The following B4GALNT3 variants were observed in gnomAD, a reference collection of about 807,000 sequenced individuals.
B4GALNT3 encodes beta-1,4-N-acetylgalactosaminyltransferase 3.
Under a neutral mutation model 120.2 loss-of-function variants are expected in B4GALNT3, and 86 were observed. The observed-to-expected ratio is 0.72, with a 90% CI of 0.60 to 0.86. The LOEUF is 0.86. Ranked by LOEUF, B4GALNT3 falls within the 40% of genes least tolerant of loss-of-function variation. B4GALNT3 has a pLI of 0.00. For missense variants in B4GALNT3, 1,167 were observed against 1,298.9 expected (o/e 0.90, Z 1.56); for synonymous variants, 518 against 510.4 (o/e 1.01, Z -0.20).
intron 2 of B4GALNT3, 112 bp downstream of exon 2, chr12:535,381 G>T (rs943588772): frequency 8.4e-6 from 7 of 832,922 alleles, no homozygotes; most frequent in Admixed American, 2.3e-5. Context: ...AGAGGCAGAG[G>T]ATAAACAGCC....
intron 1 of B4GALNT3, among the ~76,000 whole-genome samples, chr12:513,653 C>A (rs2120596524): frequency 6.6e-6 from 1 of 152,320 alleles, no homozygotes; most frequent in African/African-American, 2.4e-5. Flanking sequence ...TTAAGAATGG[C>A]TTAACTTACT....
intron 1 of B4GALNT3, among the ~76,000 whole-genome samples, chr12:515,120 G>C (rs955763454): frequency 6.6e-6 from 1 of 152,198 alleles, no homozygotes; most frequent in Non-Finnish European, 1.5e-5. Flanking sequence ...CCTCTCTGAA[G>C]TTCAATTTCC....
At chr12:522,472 A>G (rs1230292102) in intron 1 of B4GALNT3, among the ~76,000 whole-genome samples, 2 of 152,232 alleles carry the variant, frequency 1.3e-5, no homozygotes, top group Admixed American at 6.5e-5. Flanking sequence ...TCAAATTCAT[A>G]GAGACAGAAA....
At chr12:532,653 C>CG (rs1347555636) in intron 1 of B4GALNT3, among the ~76,000 whole-genome samples, 2 of 151,772 alleles carry the variant, frequency 1.3e-5, no homozygotes, top group Non-Finnish European at 2.9e-5. Flanking sequence ...TGTTAGGGGG[C>CG]GGGGGGTTCT....
chr12:557,877 C>G, intron 16 of B4GALNT3, 116 bp downstream of exon 16: 1 of 1,467,396 alleles, frequency 6.8e-7, no homozygotes, highest in Non-Finnish European at 9.3e-7. Context: ...TTCCTAGTCT[C>G]CAACTTTTCC....
intron 3 of B4GALNT3, among the ~76,000 whole-genome samples, chr12:542,079 C>G (rs930853433): frequency 6.6e-6 from 1 of 152,162 alleles, no homozygotes; most frequent in African/African-American, 2.4e-5. Flanking sequence ...AACCCGCCAC[C>G]CACCTACCCA....
Position 552,161 on chromosome 12 carries a change from C to T in B4GALNT3, c.1206C>T (p.Asp402=), listed in dbSNP as rs760198035. The change falls in exon 12 of 20, where the codon GAC becomes GAT. Residue 402 remains aspartate, a splice_region_variant and synonymous_variant. Coordinates refer to ENST00000266383, the MANE Select transcript of B4GALNT3 (RefSeq NM_173593.4). The part of the protein sequence containing the change: ...CFYQENAYYQ[D]RFSFQEYIKI... ...ACCAGGAAAACGCCTACTACCAAGA[C>T]CGGTGAGAGACACTGAGTGGGGCAG... 19 of 1,602,374 alleles carry T rather than the reference C, an allele frequency of 1.2e-5. No homozygotes were observed. The East Asian group carries it at 2.2e-4, about 19-fold the overall frequency.
At chr12:540,238 C>T (rs559803532) in intron 3 of B4GALNT3, among the ~76,000 whole-genome samples, 10 of 152,308 alleles carry the variant, frequency 6.6e-5, no homozygotes, top group African/African-American at 1.2e-4. Flanking sequence ...GAGCCCCTGG[C>T]GCAGGTGACA....
intron 1 of B4GALNT3, among the ~76,000 whole-genome samples, chr12:496,711 ACT>A (rs1272070533): frequency 1.3e-5 from 2 of 151,914 alleles, no homozygotes; most frequent in East Asian, 1.9e-4. Context: ...CCTAAAGGAG[ACT>A]CTGCCCATGC....
chr12:480,472 G>C (rs215220), intron 1 of B4GALNT3, among the ~76,000 whole-genome samples: 1,146 of 80,932 alleles, frequency 0.014, 18 homozygotes, highest in African/African-American at 0.035. Context: ...ATTACGGAAG[G>C]CTTGACGGCC....
intron 4 of B4GALNT3, among the ~76,000 whole-genome samples, 185 bp downstream of exon 4, chr12:544,619 C>G (rs1032555789): frequency 6.6e-6 from 1 of 152,180 alleles, no homozygotes. Flanking sequence ...ATTTCATCCC[C>G]TGCATCATTT....
chr12:519,597 C>CTTT (rs33954082), intron 1 of B4GALNT3, among the ~76,000 whole-genome samples: 2,266 of 134,148 alleles, frequency 0.017, 43 homozygotes, highest in Non-Finnish European at 0.021. Flanking sequence ...TTCCTTTCTG[C>CTTT]TTTTTTTTTT....
chr12:468,988 C>A (rs950677775), intron 1 of B4GALNT3, among the ~76,000 whole-genome samples: 3 of 152,196 alleles, frequency 2.0e-5, no homozygotes, highest in Non-Finnish European at 4.4e-5. Flanking sequence ...TGTATAAATG[C>A]TCAGGAAATT....
At chr12:469,640 A>G (rs1565586629) in intron 1 of B4GALNT3, among the ~76,000 whole-genome samples, 1 of 152,054 alleles carries the variant, frequency 6.6e-6, no homozygotes, top group Non-Finnish European at 1.5e-5. Flanking sequence ...GGGCCAGGTT[A>G]GGAGTCAAGG....
In B4GALNT3 at chr12:561,500, G is replaced by A. The variant is rs760505906; in HGVS notation, c.*49G>A. 4.3e-6 allele frequency: 6 copies of A among 1,405,990 alleles called. No homozygotes were observed. The South Asian group carries it at 7.1e-5, about 17-fold the overall frequency. The allele number at this position is 1,405,990 out of a possible 1,614,324, so 87.1% of individuals were successfully genotyped here. ...GCACTCCCCGCTCTGGACTAGCAGTGGCTCCCCAGGGCCCTGCTACTGTTC... is the reference window on the plus strand; with the variant it reads ...GCACTCCCCGCTCTGGACTAGCAGTAGCTCCCCAGGGCCCTGCTACTGTTC... On this transcript the variant is annotated 3_prime_UTR_variant, in exon 20 of 20. Coordinates refer to ENST00000266383, the MANE Select transcript of B4GALNT3 (RefSeq NM_173593.4).
intron 3 of B4GALNT3, among the ~76,000 whole-genome samples, chr12:538,182 AT>A (rs2120671117): frequency 6.6e-6 from 1 of 152,324 alleles, no homozygotes; most frequent in East Asian, 1.9e-4. Flanking sequence ...TTAATAATTA[AT>A]TTATCCACTT....
intron 3 of B4GALNT3, chr12:543,138 T>C: frequency 7.8e-7 from 1 of 1,289,428 alleles, no homozygotes; most frequent in East Asian, 5.5e-5. Flanking sequence ...AGAGTATGTG[T>C]GTGTGTGTGC....
chr12:494,604 C>T (rs938061223), intron 1 of B4GALNT3, among the ~76,000 whole-genome samples: 4 of 152,118 alleles, frequency 2.6e-5, no homozygotes, highest in African/African-American at 4.8e-5. Flanking sequence ...TGTATGGCTT[C>T]GGAGAATTTC....
Position 517,371 on chromosome 12 carries a change from T to A in B4GALNT3, c.170-17795T>A, listed in dbSNP as rs151073665. ...TACAGGGGAATCATAACCTTCTGCT[T>A]GACACACTTCTGTACTCTGTGATTT... On this transcript the variant is annotated intron_variant, in intron 1 of 19. Coordinates refer to ENST00000266383, the MANE Select transcript of B4GALNT3 (RefSeq NM_173593.4). Among the ~76,000 whole-genome samples the A allele has an allele frequency of 1.7e-3, 256 of 152,152 alleles. 1 individual carries two copies. Among genetic ancestry groups the A allele is most frequent in the African/African-American group, 5.9e-3 (245 of 41,498 alleles).
Sources: allele counts gnomAD v4.1 joint callset (sites outside exome capture counted in the v4.1 genomes callset), GRCh38; gene constraint gnomAD v4.1.1; transcripts MANE v1.5; gene names NCBI Gene and HGNC (gene_info 2026-07-23, HGNC 2026-07-21).